IGF2BP2: variants seen among roughly 807,000 people sequenced by gnomAD.
IGF2BP2 encodes insulin like growth factor 2 mRNA binding protein 2.
A neutral mutation model predicts 75.8 loss-of-function variants in IGF2BP2; 17 were observed. That is an observed-to-expected ratio of 0.22 (90% CI 0.15 to 0.34). The LOEUF (loss-of-function observed/expected upper bound fraction) is 0.34, where lower values mean the gene tolerates loss of function less well. Among genes scored for constraint, IGF2BP2 ranks in the 10% least tolerant of loss-of-function variants. The pLI, the probability that IGF2BP2 is intolerant of heterozygous loss-of-function variation, is 1.00. For missense variants in IGF2BP2, 516 were observed against 772.4 expected (o/e 0.67, Z 3.93); for synonymous variants, 288 against 295.6 (o/e 0.97, Z 0.26).
At chr3:185,782,387 G>T (rs1735327359) in intron 2 of IGF2BP2, among the ~76,000 whole-genome samples, 1 of 151,998 alleles carries the variant, frequency 6.6e-6, no homozygotes, top group African/African-American at 2.4e-5. Context: ...GTATCACATT[G>T]ATATTCAACT....
chr3:185,774,594 CAAAAAAAAA>C (rs10688098), intron 2 of IGF2BP2, among the ~76,000 whole-genome samples: 1 of 129,038 alleles, frequency 7.7e-6, no homozygotes, highest in African/African-American at 2.7e-5. Flanking sequence ...GACTCTGTCT[CAAAAAAAAA>C]AAAAGAAAAG....
At chr3:185,650,049 T>A (rs551111013) in intron 13 of IGF2BP2, among the ~76,000 whole-genome samples, 1 of 151,898 alleles carries the variant, frequency 6.6e-6, no homozygotes, top group African/African-American at 2.4e-5. Flanking sequence ...TGTGCCCAGG[T>A]TGGAGTGCAG....
At chr3:185,675,470 G>A (rs746750802) in intron 8 of IGF2BP2, 39 bp from the exon 9 acceptor site, 40 of 1,584,696 alleles carry the variant, frequency 2.5e-5, no homozygotes, top group Non-Finnish European at 3.1e-5. Flanking sequence ...TGTTTTCAAC[G>A]GGAAAAATAA....
intron 2 of IGF2BP2, among the ~76,000 whole-genome samples, chr3:185,699,768 G>A (rs1234510487): frequency 6.6e-6 from 1 of 152,066 alleles, no homozygotes; most frequent in Non-Finnish European, 1.5e-5. Context: ...AACTACATAG[G>A]TATCCTGAAG....
intron 2 of IGF2BP2, among the ~76,000 whole-genome samples, chr3:185,720,430 G>A (rs1359979295): frequency 6.6e-6 from 1 of 151,938 alleles, no homozygotes; most frequent in African/African-American, 2.4e-5. Flanking sequence ...CCACAACTGC[G>A]CCCGGCCCCT....
intron 2 of IGF2BP2, among the ~76,000 whole-genome samples, chr3:185,808,120 AAAAAAAAAAAAAAAAGAAAG>A (rs1225904817): frequency 8.3e-6 from 1 of 120,330 alleles, no homozygotes; most frequent in African/African-American, 4.6e-5. Context: ...TTTCTTTTAA[AAAAAAAAAAAAAAAAGAAAG>A]AAAGAAAGAA....
chr3:185,675,538 A>G (rs1248330282), intron 8 of IGF2BP2, 107 bp from the exon 9 acceptor site: 2 of 1,303,818 alleles, frequency 1.5e-6, no homozygotes, highest in Non-Finnish European at 2.1e-6. Flanking sequence ...AGAAGACTCA[A>G]TTCCCTCCCA....
At chr3:185,705,616 A>G (rs971661895) in intron 2 of IGF2BP2, among the ~76,000 whole-genome samples, 1 of 152,194 alleles carries the variant, frequency 6.6e-6, no homozygotes, top group Non-Finnish European at 1.5e-5. Context: ...TTGGACTACT[A>G]TAACAAAACT....
chr3:185,697,386 G>A (rs1015778298), intron 3 of IGF2BP2, among the ~76,000 whole-genome samples: 2 of 151,204 alleles, frequency 1.3e-5, no homozygotes, highest in Non-Finnish European at 2.9e-5. Context: ...ATTTACAGGC[G>A]TGAGCCATCA....
chr3:185,768,717 A>C (rs1431423735), intron 2 of IGF2BP2, among the ~76,000 whole-genome samples: 2 of 152,152 alleles, frequency 1.3e-5, no homozygotes, highest in African/African-American at 2.4e-5. Context: ...CTTCTGATAG[A>C]TCAATAAGCA....
At chr3:185,771,475 G>C (rs1257557078) in intron 2 of IGF2BP2, among the ~76,000 whole-genome samples, 2 of 151,284 alleles carry the variant, frequency 1.3e-5, no homozygotes, top group African/African-American at 2.4e-5. Context: ...TATAATCACT[G>C]TTTTAACTGT....
At chr3:185,711,645 C>T (rs533198095) in intron 2 of IGF2BP2, among the ~76,000 whole-genome samples, 5 of 152,330 alleles carry the variant, frequency 3.3e-5, no homozygotes, top group African/African-American at 1.2e-4. Context: ...AACGACCTAC[C>T]TGGCTCAGCA....
Position 185,824,962 on chromosome 3 carries a change from C to T in IGF2BP2, c.-2G>A, listed in dbSNP as rs1228922721. ...CCCGATGTAAAGCTTGTTCATCATC[C>T]GTCTCTTCCCCGAGAGCCCGCGGCT... On this transcript the variant is annotated 5_prime_UTR_variant, in exon 1 of 16. Coordinates refer to ENST00000382199, the MANE Select transcript of IGF2BP2 (RefSeq NM_006548.6). The T allele has an allele frequency of 2.0e-6, 3 of 1,518,958 alleles. No homozygotes were observed. The highest frequency in any genetic ancestry group is 1.4e-5 in the African/African-American group (1 of 70,802). The allele number at this position is 1,518,958 out of a possible 1,614,324, so 94.1% of individuals were successfully genotyped here. A position where few individuals can be genotyped will look rare whatever the true frequency, so the allele number is the denominator to read the frequency against.
At chr3:185,652,615 T>G (rs1281227630) in intron 12 of IGF2BP2, among the ~76,000 whole-genome samples, 2 of 152,202 alleles carry the variant, frequency 1.3e-5, no homozygotes, top group Non-Finnish European at 2.9e-5. Context: ...CTGGTTCTAA[T>G]TCTCAGCTCA....
chr3:185,813,270 T>A (rs1182690365), intron 2 of IGF2BP2, among the ~76,000 whole-genome samples: 1 of 152,216 alleles, frequency 6.6e-6, no homozygotes, highest in Non-Finnish European at 1.5e-5. Context: ...AGCCAAAAAT[T>A]TTAAATATTA....
At chr3:185,693,881 A>G (rs1284945806) in intron 4 of IGF2BP2, among the ~76,000 whole-genome samples, 2 of 152,180 alleles carry the variant, frequency 1.3e-5, no homozygotes, top group East Asian at 3.8e-4. Context: ...TTTACACTGG[A>G]CCCATGCTTG....
At chr3:185,677,044 G>GATAGAT (rs1553855687) in intron 7 of IGF2BP2, among the ~76,000 whole-genome samples, 62 of 23,856 alleles carry the variant, frequency 2.6e-3, no homozygotes, top group Non-Finnish European at 3.1e-3. Flanking sequence ...TATATATGGA[G>GATAGAT]ATATATATAT....
rs77813054 is a variant in IGF2BP2 at position 185,800,800 on chromosome 3, C to T, written c.239+22353G>A. 3.2e-3 allele frequency among the ~76,000 whole-genome samples: 493 copies of T among 152,120 alleles called. 1 individual carries two copies. The highest frequency in any genetic ancestry group is 0.011 in the African/African-American group (474 of 41,442). ...AGAAATCTGGAAGGTAGGACATAGGCATGTGCAAAGATTTCATGACTAAAA... is the reference window on the plus strand; with the variant it reads ...AGAAATCTGGAAGGTAGGACATAGGTATGTGCAAAGATTTCATGACTAAAA... On this transcript the variant is annotated intron_variant, in intron 2 of 15. Transcript: ENST00000382199.
chr3:185,676,403 C>T (rs1332627775), intron 7 of IGF2BP2, among the ~76,000 whole-genome samples: 1 of 152,118 alleles, frequency 6.6e-6, no homozygotes, highest in African/African-American at 2.4e-5. Context: ...CCAGGCCGGG[C>T]GCCGTGGTTC....
Sources: allele counts gnomAD v4.1 joint callset (sites outside exome capture counted in the v4.1 genomes callset), GRCh38; gene constraint gnomAD v4.1.1; transcripts MANE v1.5; gene names NCBI Gene and HGNC (gene_info 2026-07-23, HGNC 2026-07-21).